Variants in FOXP1 observed in about 807,000 individuals in gnomAD.
The protein encoded by FOXP1 is forkhead box P1, also known as forkhead box protein P1.
A neutral mutation model predicts 98.2 loss-of-function variants in FOXP1; 15 were observed. The observed-to-expected ratio is 0.15, with a 90% CI of 0.10 to 0.24. The LOEUF is 0.24. FOXP1 is among the 10% of genes least tolerant of loss of function. The probability of loss-of-function intolerance (pLI) is 1.00; values close to 1 mark genes in which losing one functional copy is unlikely to be tolerated. For synonymous variants in FOXP1, 371 were observed against 314.5 expected, an observed-to-expected ratio of 1.18 and a Z score of -1.90; for missense variants, 633 against 848.5, an observed-to-expected ratio of 0.75 and a Z score of 3.15.
At chr3:70,965,838 C>G in intron 20 of FOXP1, 52 bp downstream of exon 20, 5 of 1,548,672 alleles carry the variant, frequency 3.2e-6, no homozygotes, top group Non-Finnish European at 4.5e-6. Context: ...CTGCGTGTAC[C>G]TAGGGAGACT....
At chr3:71,569,519 T>C (rs1203436622) in intron 2 of FOXP1, among the ~76,000 whole-genome samples, 1 of 152,156 alleles carries the variant, frequency 6.6e-6, no homozygotes, top group African/African-American at 2.4e-5. Context: ...TAGAAGACAG[T>C]TGTATTATAC....
intron 4 of FOXP1, among the ~76,000 whole-genome samples, chr3:71,324,575 T>C (rs1243407290): frequency 6.6e-6 from 1 of 151,686 alleles, no homozygotes; most frequent in Non-Finnish European, 1.5e-5. Flanking sequence ...ATGAGAACAC[T>C]TGGACACAGG....
intron 11 of FOXP1, among the ~76,000 whole-genome samples, chr3:71,030,210 G>A (rs1219440518): frequency 2.6e-5 from 4 of 152,200 alleles, no homozygotes; most frequent in Non-Finnish European, 5.9e-5. Flanking sequence ...TGATAATCAT[G>A]TTGGGTTCTG....
chr3:71,343,500 G>T lies in FOXP1; in HGVS notation c.-73+15650C>A, dbSNP rs191207706. The stretch of plus-strand genomic sequence containing the variant: ...GTCCTTTTTTGTTGGGTTACGGGGC[G>T]GGGAAGATAAGTTCTTTTTTTCCCC... On this transcript the variant is annotated intron_variant, in intron 4 of 20. Coordinates refer to ENST00000649528, the MANE Select transcript of FOXP1 (RefSeq NM_001349338.3). Among the ~76,000 whole-genome samples the T allele has an allele frequency of 3.5e-3, 538 of 151,700 alleles. 2 individuals are homozygous for T. Among genetic ancestry groups the T allele is most frequent in the African/African-American group, 0.012 (508 of 41,360 alleles).
At chr3:71,454,804 A>C (rs1447497800) in intron 3 of FOXP1, among the ~76,000 whole-genome samples, 1 of 69,386 alleles carries the variant, frequency 1.4e-5, no homozygotes. Flanking sequence ...TAAAAAAAAA[A>C]ACAAAAAAAA....
In FOXP1 at chr3:70,971,307, C is replaced by G. The variant is rs563278320; in HGVS notation, c.1653-502G>C. ...ACAAGGCACGTTTATTGCCAACAGG[C>G]GATGGAGAGTAGGGTATGCCAGGGG... On this transcript the variant is annotated intron_variant, in intron 18 of 20. Transcript: ENST00000649528. 2.1e-4 allele frequency: 39 copies of G among 186,172 alleles called. No individual in the cohort carries two copies. In the South Asian group the frequency reaches 4.2e-3, roughly 20 times the overall value. 11.5% of individuals were successfully genotyped at this position (186,172 alleles called of 1,614,324 possible).
intron 3 of FOXP1, among the ~76,000 whole-genome samples, chr3:71,478,977 T>G (rs2090065981): frequency 1.3e-5 from 2 of 152,152 alleles, no homozygotes; most frequent in Admixed American, 1.3e-4. Flanking sequence ...AAGTACACCA[T>G]CCCCAGTGTT....
At chr3:71,481,249 G>A (rs897966625) in intron 3 of FOXP1, among the ~76,000 whole-genome samples, 11 of 152,018 alleles carry the variant, frequency 7.2e-5, no homozygotes, top group African/African-American at 1.2e-4. Context: ...TAAATCCCAC[G>A]ATCACCTATG....
chr3:71,528,311 A>G (rs2043559102), intron 2 of FOXP1, among the ~76,000 whole-genome samples: 3 of 152,238 alleles, frequency 2.0e-5, no homozygotes, highest in Admixed American at 6.5e-5. Flanking sequence ...GATGTCCCCA[A>G]AGTCATCTGG....
At chr3:71,061,994 C>T (rs1156601484) in intron 7 of FOXP1, among the ~76,000 whole-genome samples, 3 of 152,098 alleles carry the variant, frequency 2.0e-5, no homozygotes, top group South Asian at 2.1e-4. Flanking sequence ...TTAATTTCAC[C>T]GTATCTTCCA....
At chr3:71,206,724 G>A (rs900495008) in intron 5 of FOXP1, among the ~76,000 whole-genome samples, 13 of 152,232 alleles carry the variant, frequency 8.5e-5, no homozygotes, top group African/African-American at 7.2e-5. Flanking sequence ...CTTGGATAAC[G>A]TAATCTTTAT....
chr3:71,062,235 C>T (rs529562613), intron 7 of FOXP1, among the ~76,000 whole-genome samples: 1 of 152,298 alleles, frequency 6.6e-6, no homozygotes, highest in East Asian at 1.9e-4. Context: ...ACACTGCATG[C>T]CTTTAGATGC....
intron 2 of FOXP1, among the ~76,000 whole-genome samples, chr3:71,532,219 C>A (rs2043911298): frequency 6.6e-6 from 1 of 152,278 alleles, no homozygotes; most frequent in East Asian, 1.9e-4. Flanking sequence ...CCCGCCTCAG[C>A]CTCCTGAGTA....
At chr3:71,204,197 A>C (rs2063860226) in intron 5 of FOXP1, among the ~76,000 whole-genome samples, 1 of 152,218 alleles carries the variant, frequency 6.6e-6, no homozygotes, top group Non-Finnish European at 1.5e-5. Flanking sequence ...AATCGTGTTC[A>C]TGCCACTGAG....
chr3:71,109,102 C>A (rs1362881475), intron 7 of FOXP1, among the ~76,000 whole-genome samples: 2 of 152,218 alleles, frequency 1.3e-5, no homozygotes, highest in African/African-American at 4.8e-5. Context: ...ACTTCAGAAG[C>A]AATATCTATA....
At chr3:71,169,035 G>A (rs2061520602) in intron 6 of FOXP1, among the ~76,000 whole-genome samples, 1 of 152,212 alleles carries the variant, frequency 6.6e-6, no homozygotes, top group Non-Finnish European at 1.5e-5. Context: ...TCTTTTTACA[G>A]CTGAGTCACA....
intron 4 of FOXP1, among the ~76,000 whole-genome samples, chr3:71,331,501 G>T (rs549879941): frequency 2.3e-4 from 35 of 152,352 alleles, no homozygotes; most frequent in Non-Finnish European, 4.0e-4. Context: ...CGCGGGACTG[G>T]CACGCAGCTC....
chr3:71,120,247 T>C (rs1393723027), intron 6 of FOXP1, among the ~76,000 whole-genome samples: 1 of 152,204 alleles, frequency 6.6e-6, no homozygotes, highest in South Asian at 2.1e-4. Flanking sequence ...TGAACATTCA[T>C]TGGTAGTAAA....
intron 3 of FOXP1, among the ~76,000 whole-genome samples, chr3:71,412,663 A>G (rs988653256): frequency 1.3e-5 from 2 of 152,144 alleles, no homozygotes; most frequent in African/African-American, 4.8e-5. Context: ...AAGATATAGA[A>G]AGAAAAATGG....
Sources: allele counts gnomAD v4.1 joint callset (sites outside exome capture counted in the v4.1 genomes callset), GRCh38; gene constraint gnomAD v4.1.1; transcripts MANE v1.5; gene names NCBI Gene and HGNC (gene_info 2026-07-23, HGNC 2026-07-21).